CERT1: variants seen among roughly 807,000 people sequenced by gnomAD.
CERT1 encodes ceramide transporter 1.
CERT1 carries 31 observed loss-of-function variants against 87.9 expected under a neutral mutation model. The ratio of observed to expected loss-of-function variants is 0.35; its 90% confidence interval spans 0.27 to 0.48. CERT1 has a LOEUF of 0.48. Ranked by LOEUF, CERT1 falls within the 20% of genes least tolerant of loss-of-function variation. The probability of loss-of-function intolerance (pLI) is 0.99; values close to 1 mark genes in which losing one functional copy is unlikely to be tolerated. For synonymous variants in CERT1, 289 were observed against 250.9 expected (o/e 1.15, Z -1.44); for missense variants, 487 against 758.0 (o/e 0.64, Z 4.20).
At position 75,453,888 on chromosome 5, in the gene CERT1, A is replaced by C. The variant is rs535942763; in HGVS notation, c.348+5177T>G. 2.0e-5 allele frequency among the ~76,000 whole-genome samples: 3 copies of C among 152,282 alleles called. No homozygotes were observed. The East Asian group carries it at 5.8e-4, about 29-fold the overall frequency. Reference sequence around the variant, plus strand: ...GAATGTGCATGTGTGAAACAGATCAATACAAAGAATTTATAATCAGCATAA... The same window carrying C: ...GAATGTGCATGTGTGAAACAGATCACTACAAAGAATTTATAATCAGCATAA... On this transcript the variant is annotated intron_variant, in intron 3 of 16. Coordinates refer to ENST00000643780, the MANE Select transcript of CERT1 (RefSeq NM_001379029.1).
Position 75,511,271 on chromosome 5 carries a change from C to T in CERT1, c.-64G>A. 1 of 1,590,110 alleles carries T rather than the reference C, an allele frequency of 6.3e-7. No homozygotes were observed. The highest frequency in any genetic ancestry group is 8.6e-7 in the Non-Finnish European group (1 of 1,168,292). On this transcript the variant is annotated 5_prime_UTR_variant, in exon 1 of 17. Coordinates refer to ENST00000643780, the MANE Select transcript of CERT1 (RefSeq NM_001379029.1). ...CCTCAGCTGCGCCGGAGGAGGCGCCCAGTCCTCGGGGTGAAGGGTCGGGGG... is the reference window on the plus strand; with the variant it reads ...CCTCAGCTGCGCCGGAGGAGGCGCCTAGTCCTCGGGGTGAAGGGTCGGGGG...
intron 2 of CERT1, among the ~76,000 whole-genome samples, chr5:75,481,437 T>C (rs1766240564): frequency 2.0e-5 from 3 of 152,076 alleles, no homozygotes; most frequent in African/African-American, 7.3e-5. Flanking sequence ...GGCATCAAAC[T>C]AATTAAAATA....
intron 4 of CERT1, 22 bp from the exon 5 acceptor site, chr5:75,425,521 G>C (rs752595080): frequency 7.5e-6 from 12 of 1,609,394 alleles, no homozygotes; most frequent in Non-Finnish European, 1.0e-5. Context: ...AAAATAGGGG[G>C]ATGTAATTCA....
intron 6 of CERT1, among the ~76,000 whole-genome samples, 157 bp downstream of exon 6, chr5:75,419,184 G>A (rs1442418484): frequency 6.6e-6 from 1 of 152,182 alleles, no homozygotes; most frequent in Non-Finnish European, 1.5e-5. Flanking sequence ...ATGTCAGAAT[G>A]TGATTTTTAC....
chr5:75,413,143 T>C (rs1281047192), intron 7 of CERT1, among the ~76,000 whole-genome samples: 1 of 152,134 alleles, frequency 6.6e-6, no homozygotes, highest in African/African-American at 2.4e-5. Context: ...ACACACACAT[T>C]AGCCTAGGCC....
chr5:75,373,212 C>T (rs1761148805), downstream of CERT1: 1 of 152,158 alleles, frequency 6.6e-6, no homozygotes, highest in Non-Finnish European at 1.5e-5. Context: ...GAAGAACAAA[C>T]ATATATACCC....
chr5:75,400,377 CT>C, intron 9 of CERT1, 80 bp from the exon 10 acceptor site: 1 of 956,754 alleles, frequency 1.0e-6, no homozygotes, highest in South Asian at 1.5e-5. Context: ...TAACCTGGAA[CT>C]ACCAACATTC....
At chr5:75,468,128 A>G (rs1197961698) in intron 2 of CERT1, among the ~76,000 whole-genome samples, 1 of 152,216 alleles carries the variant, frequency 6.6e-6, no homozygotes, top group Non-Finnish European at 1.5e-5. Flanking sequence ...TGTTATAAGA[A>G]GGCAGAGCCA....
At chr5:75,396,848 T>C (rs1166493878) in intron 11 of CERT1, among the ~76,000 whole-genome samples, 5 of 152,090 alleles carry the variant, frequency 3.3e-5, no homozygotes, top group Non-Finnish European at 7.4e-5. Flanking sequence ...AAAGTCTCTA[T>C]AGGGTGTGAG....
At chr5:75,441,704 A>G (rs1764331165) in intron 3 of CERT1, among the ~76,000 whole-genome samples, 1 of 152,220 alleles carries the variant, frequency 6.6e-6, no homozygotes, top group Non-Finnish European at 1.5e-5. Flanking sequence ...TTCACTTAGC[A>G]TAGTGTCCTC....
intron 2 of CERT1, among the ~76,000 whole-genome samples, chr5:75,491,801 A>T (rs1766810453): frequency 6.6e-6 from 1 of 152,182 alleles, no homozygotes; most frequent in East Asian, 1.9e-4. Context: ...TAGGGAGATA[A>T]CATTTTGGGA....
chr5:75,462,517 G>A (rs910333940), intron 2 of CERT1, among the ~76,000 whole-genome samples: 7 of 152,140 alleles, frequency 4.6e-5, no homozygotes, highest in Admixed American at 2.0e-4. Flanking sequence ...CCTGGTGTGC[G>A]GCCTGGTTCC....
At chr5:75,505,708 A>G (rs1767619441) in intron 2 of CERT1, 1 of 218,110 alleles carries the variant, frequency 4.6e-6, no homozygotes, top group Admixed American at 5.7e-5. Flanking sequence ...CCCAGCCTCA[A>G]CAAATAAAAA....
chr5:75,436,106 C>T (rs1272614122), intron 3 of CERT1, among the ~76,000 whole-genome samples: 1 of 152,174 alleles, frequency 6.6e-6, no homozygotes, highest in Non-Finnish European at 1.5e-5. Context: ...GATCTTGGCG[C>T]ACTGCAAGCT....
chr5:75,424,386 C>T (rs1186801948), intron 5 of CERT1, among the ~76,000 whole-genome samples: 2 of 151,734 alleles, frequency 1.3e-5, no homozygotes, highest in East Asian at 3.9e-4. Context: ...TTAAGACCAT[C>T]CTGGCCAAAA....
At chr5:75,420,385 C>T (rs1763323195) in intron 5 of CERT1, among the ~76,000 whole-genome samples, 1 of 151,438 alleles carries the variant, frequency 6.6e-6, no homozygotes, top group African/African-American at 2.4e-5. Flanking sequence ...GCTCTGTCGC[C>T]CAGGCTGGAG....
chr5:75,402,867 T>G (rs1267713433), intron 9 of CERT1, 105 bp downstream of exon 9: 2 of 662,956 alleles, frequency 3.0e-6, no homozygotes, highest in South Asian at 2.0e-5. Flanking sequence ...TCTAGGTTAT[T>G]AAGTTCACAA....
intron 8 of CERT1, among the ~76,000 whole-genome samples, chr5:75,405,753 CTATTT>C (rs1762676907): frequency 1.3e-5 from 2 of 151,514 alleles, no homozygotes; most frequent in South Asian, 2.1e-4. Flanking sequence ...TATAATTGTT[CTATTT>C]TATTATTGTT....
chr5:75,465,760 G>A (rs988040010), intron 2 of CERT1, among the ~76,000 whole-genome samples: 1 of 152,148 alleles, frequency 6.6e-6, no homozygotes, highest in Non-Finnish European at 1.5e-5. Flanking sequence ...CCTGCTGCCA[G>A]CACTATCAGA....
Sources: gnomAD v4.1 joint callset for allele counts (sites outside exome capture counted in the v4.1 genomes callset) on GRCh38, gnomAD v4.1.1 for gene constraint, MANE v1.5 for transcripts, NCBI Gene and HGNC (gene_info 2026-07-23, HGNC 2026-07-21) for gene names.